PDE4D: variants seen among roughly 807,000 people sequenced by gnomAD.
PDE4D encodes the protein phosphodiesterase 4D.
In PDE4D, 24 loss-of-function variants were observed where a neutral mutation model predicts 87.4. The ratio of observed to expected loss-of-function variants is 0.27; its 90% confidence interval spans 0.20 to 0.39. PDE4D has a LOEUF of 0.39. PDE4D is among the 10% of genes least tolerant of loss of function. The probability of loss-of-function intolerance (pLI) is 1.00; values close to 1 mark genes in which losing one functional copy is unlikely to be tolerated. For synonymous variants in PDE4D, 384 were observed against 383.2 expected, an observed-to-expected ratio of 1.00 and a Z score of -0.02; for missense variants, 714 against 1,041.0, an observed-to-expected ratio of 0.69 and a Z score of 4.32.
chr5:60,328,416 G>C (rs535551347), intron 1 of PDE4D, among the ~76,000 whole-genome samples: 1 of 151,974 alleles, frequency 6.6e-6, no homozygotes, highest in East Asian at 1.9e-4. Context: ...CATTCAGTAT[G>C]TACTCTTTTT....
At chr5:59,153,757 T>TC (rs1336425884) in intron 5 of PDE4D, among the ~76,000 whole-genome samples, 4 of 150,558 alleles carry the variant, frequency 2.7e-5, no homozygotes, top group African/African-American at 9.8e-5. Flanking sequence ...GCAGGGTTTT[T>TC]TTTTTTGTTG....
At position 60,012,433 on chromosome 5, in the gene PDE4D, G is replaced by C. The variant is rs550036325; in HGVS notation, c.43-23716C>G. On this transcript the variant is annotated intron_variant, in intron 2 of 16. Transcript: ENST00000502484. The stretch of plus-strand genomic sequence containing the variant: ...GAAAGTACAATGTGACTTTATAAGA[G>C]AGCATAAGCTTTCAGACTGAAATAA... 2.6e-5 allele frequency among the ~76,000 whole-genome samples: 4 copies of C among 152,292 alleles called. No homozygotes were observed. The East Asian group carries it at 5.8e-4, about 22-fold the overall frequency.
intron 1 of PDE4D, among the ~76,000 whole-genome samples, chr5:59,762,893 A>ATATATG (rs70975330): frequency 9.4e-6 from 1 of 105,906 alleles, no homozygotes; most frequent in African/African-American, 3.4e-5. Flanking sequence ...ATATATATAT[A>ATATATG]GCTTGCTCTT....
intron 2 of PDE4D, chr5:59,215,575 G>T (rs1054337757): frequency 5.4e-6 from 3 of 556,900 alleles, no homozygotes; most frequent in Non-Finnish European, 9.7e-6. Context: ...GTGTGTGTGT[G>T]TGTGTGTGTG....
intron 2 of PDE4D, among the ~76,000 whole-genome samples, chr5:59,198,090 C>T (rs115258588): frequency 4.6e-4 from 70 of 152,206 alleles, no homozygotes; most frequent in African/African-American, 1.6e-3. Flanking sequence ...ATTGTACCGC[C>T]TGGTAATGTG....
At chr5:59,027,929 G>C (rs567563080) in intron 6 of PDE4D, among the ~76,000 whole-genome samples, 7 of 151,938 alleles carry the variant, frequency 4.6e-5, no homozygotes, top group Middle Eastern at 3.4e-3. Flanking sequence ...ATATTTGTGT[G>C]TATACTAGAT....
At position 59,893,362 on chromosome 5, in the gene PDE4D, CG is replaced by C; in HGVS notation, c.260del (p.Pro87ArgfsTer50). 1 of 1,256,438 alleles carries C rather than the reference CG, an allele frequency of 8.0e-7. No individual in the cohort carries two copies. Among genetic ancestry groups the C allele is most frequent in the Non-Finnish European group, 1.0e-6 (1 of 1,001,826 alleles). 77.8% of individuals were successfully genotyped at this position (1,256,438 alleles called of 1,614,324 possible). ...PPPPLPPPPP[P>X]PGAARGRYAS... is the part of the protein sequence containing the mutation. Reference sequence around the variant, plus strand: ...CGTAGCGGCCGCGGGCAGCCCCGGGCGGCGGCGGGGGCGGCGGCAGGGGGGG... The same window carrying C: ...CGTAGCGGCCGCGGGCAGCCCCGGGCGCGGCGGGGGCGGCGGCAGGGGGGG... On this transcript the variant is annotated frameshift_variant, in exon 1 of 15. Transcript: ENST00000340635. LOFTEE classifies it high-confidence loss of function.
chr5:59,208,964 A>G (rs1749458610), intron 2 of PDE4D, among the ~76,000 whole-genome samples: 1 of 152,202 alleles, frequency 6.6e-6, no homozygotes, highest in African/African-American at 2.4e-5. Flanking sequence ...GCCAGCACAC[A>G]GCAATGGAAG....
chr5:60,497,711 T>A (rs1252528207), intron 1 of PDE4D, among the ~76,000 whole-genome samples: 1 of 152,178 alleles, frequency 6.6e-6, no homozygotes, highest in Non-Finnish European at 1.5e-5. Context: ...CAGCCACCTG[T>A]AATTCTTTCA....
At chr5:60,263,766 G>A (rs1185303787) in intron 1 of PDE4D, among the ~76,000 whole-genome samples, 1 of 152,014 alleles carries the variant, frequency 6.6e-6, no homozygotes, top group African/African-American at 2.4e-5. Context: ...AACCTATTAT[G>A]AAAAATAAAC....
In PDE4D at chr5:60,053,209, C is replaced by T. The variant is rs189541802; in HGVS notation, c.43-64492G>A. Among the ~76,000 whole-genome samples, 25 of 152,212 alleles carry T rather than the reference C, an allele frequency of 1.6e-4. No homozygotes were observed. In the East Asian group the frequency reaches 3.9e-3, roughly 23 times the overall value. ...AAGCTACTTTAAATTTCATACAGAA[C>T]CAAAAAAGAGCCCACATTGCCAAGA... On this transcript the variant is annotated intron_variant, in intron 2 of 16. Transcript: ENST00000502484.
chr5:59,427,269 T>G (rs1030739661), intron 1 of PDE4D, among the ~76,000 whole-genome samples: 3 of 134,138 alleles, frequency 2.2e-5, no homozygotes, highest in African/African-American at 8.7e-5. Context: ...CTCCATACTG[T>G]GGCATACAGG....
chr5:59,172,015 TATA>T, intron 5 of PDE4D, among the ~76,000 whole-genome samples: 2 of 45,624 alleles, frequency 4.4e-5, no homozygotes, highest in African/African-American at 2.4e-4. Context: ...AAATATATAT[TATA>T]TATATAATAA....
At chr5:60,357,506 A>C (rs1759720562) in intron 1 of PDE4D, among the ~76,000 whole-genome samples, 1 of 152,164 alleles carries the variant, frequency 6.6e-6, no homozygotes, top group South Asian at 2.1e-4. Flanking sequence ...CAACTCATTA[A>C]AAAATTATCT....
At chr5:59,014,003 A>G (rs564501694) in intron 6 of PDE4D, among the ~76,000 whole-genome samples, 6 of 152,336 alleles carry the variant, frequency 3.9e-5, no homozygotes, top group African/African-American at 1.2e-4. Context: ...TATGCAAATC[A>G]ATAAACGTAA....
chr5:60,060,420 G>A (rs943457666), intron 2 of PDE4D, among the ~76,000 whole-genome samples: 7 of 151,980 alleles, frequency 4.6e-5, no homozygotes, highest in Non-Finnish European at 5.9e-5. Flanking sequence ...TTCATTGTCA[G>A]TCCACCATAC....
intron 1 of PDE4D, among the ~76,000 whole-genome samples, chr5:59,857,639 G>A (rs1214428942): frequency 6.6e-6 from 1 of 151,906 alleles, no homozygotes; most frequent in Non-Finnish European, 1.5e-5. Flanking sequence ...GTAACATTTT[G>A]GAAGATGAAA....
At chr5:59,468,263 G>A (rs1319779978) in intron 1 of PDE4D, among the ~76,000 whole-genome samples, 2 of 151,532 alleles carry the variant, frequency 1.3e-5, no homozygotes, top group Non-Finnish European at 2.9e-5. Flanking sequence ...TCCAAAAAGA[G>A]AGGGGTGTTT....
At chr5:59,847,075 T>G (rs528469660) in intron 1 of PDE4D, among the ~76,000 whole-genome samples, 182 of 152,088 alleles carry the variant, frequency 1.2e-3, no homozygotes, top group African/African-American at 4.3e-3. Context: ...ATGAACTCCA[T>G]GGGTGAGAGA....
Sources: allele counts gnomAD v4.1 joint callset (sites outside exome capture counted in the v4.1 genomes callset), GRCh38; gene constraint gnomAD v4.1.1; transcripts MANE v1.5; gene names NCBI Gene and HGNC (gene_info 2026-07-23, HGNC 2026-07-21).